CLCN7: variants seen among roughly 807,000 people sequenced by gnomAD.
CLCN7 encodes H(+)/Cl(-) exchange transporter 7.
A neutral mutation model predicts 102.1 loss-of-function variants in CLCN7; 60 were observed. The observed-to-expected ratio is 0.59, with a 90% CI of 0.48 to 0.73. CLCN7 has a LOEUF of 0.73. CLCN7 is among the 30% of genes least tolerant of loss of function. The pLI is 0.00. For synonymous variants in CLCN7, 560 were observed against 490.5 expected (o/e 1.14, Z -1.87); for missense variants, 962 against 1,125.7 (o/e 0.85, Z 2.08).
At chr16:1,451,746 G>C in intron 15 of CLCN7, 30 bp from the exon 16 acceptor site, 4 of 1,573,210 alleles carry the variant, frequency 2.5e-6, no homozygotes, top group Non-Finnish European at 3.5e-6. Flanking sequence ...CACACGTTGG[G>C]AGGGGAGATG....
At chr16:1,455,862 T>TC in intron 10 of CLCN7, 67 bp from the exon 11 acceptor site, 1 of 1,539,530 alleles carries the variant, frequency 6.5e-7, no homozygotes, top group Non-Finnish European at 8.9e-7. Context: ...ACCAACTCCC[T>TC]CCCCCAGGCT....
At chr16:1,459,022 G>T in intron 7 of CLCN7, 85 bp downstream of exon 7, 2 of 1,204,644 alleles carry the variant, frequency 1.7e-6, no homozygotes, top group Non-Finnish European at 2.4e-6. Context: ...GGCCAGTTCT[G>T]GAAGGCAGGC....
intron 23 of CLCN7, 134 bp from the exon 24 acceptor site, chr16:1,447,220 C>T (rs1450201281): frequency 8.7e-6 from 10 of 1,145,972 alleles, no homozygotes; most frequent in East Asian, 5.1e-5. Flanking sequence ...TCTGGCCAGC[C>T]CCCTCAGCCC....
intron 1 of CLCN7, among the ~76,000 whole-genome samples, chr16:1,473,370 CTTTTTTTTTTTT>C (rs779736867): frequency 2.6e-5 from 2 of 76,682 alleles, no homozygotes; most frequent in Admixed American, 1.8e-4. Context: ...CCTTCCTAAA[CTTTTTTTTTTTT>C]TTTTTTTTTT....
Position 1,461,609 on chromosome 16 carries a change from C to T in CLCN7, c.279G>A (p.Lys93=). The T allele has an allele frequency of 6.2e-7, 1 of 1,613,982 alleles. No individual in the cohort carries two copies. Among genetic ancestry groups the T allele is most frequent in the South Asian group, 1.1e-5 (1 of 91,062 alleles). ...IPHNEKLLSL[K]YESLDYDNSE... ...GGGACAGAAGGACGCCCACCTCATA[C>T]TTGAGGGACAGGAGCTTCTCGTTGT... The change falls in exon 3 of 25, where the codon AAG becomes AAA. Residue 93 remains lysine, a synonymous_variant. Transcript: ENST00000382745.
chr16:1,447,573 G>T lies in CLCN7; in HGVS notation c.2074-5C>A, dbSNP rs556391293. The T allele has an allele frequency of 6.4e-7, 1 of 1,553,984 alleles. No homozygotes were observed. The highest frequency in any genetic ancestry group is 2.4e-5 in the East Asian group (1 of 41,188). ...GTTGGACCGCTCCACAAACACCTGC[G>T]GGCGGCAGAGCCCTGTGTCAGGCAC... On this transcript the variant is annotated splice_polypyrimidine_tract_variant and splice_region_variant and intron_variant, in intron 22 of 24. Coordinates refer to ENST00000382745, the MANE Select transcript of CLCN7 (RefSeq NM_001287.6).
At chr16:1,462,372 T>C (rs1232189484) in intron 2 of CLCN7, among the ~76,000 whole-genome samples, 1 of 33,546 alleles carries the variant, frequency 3.0e-5, no homozygotes, top group Non-Finnish European at 7.2e-5. Context: ...TGTCTTTTTT[T>C]TTTTTTTTTT....
In CLCN7 at chr16:1,452,786, A is replaced by G; in HGVS notation, c.1322T>C (p.Leu441Pro). Residue 441 changes from leucine (L) to proline (P), a missense_variant, in exon 15 of 25, where the codon CTG becomes CCG. Leu to Pro is a moderately conservative substitution (Grantham distance 98, BLOSUM62 -3). Around this residue, in one of 2 missense-constraint regions of CLCN7, gnomAD observed 799 missense variants for 988.0 expected, o/e 0.81. Coordinates refer to ENST00000382745, the MANE Select transcript of CLCN7 (RefSeq NM_001287.6). ...CGGGTAGGACATGGAGCCCCCCTGC[A>G]GGGGCTGGCAATCCCGCGACGAGTA... ...LIYSSRDCQPLQGGSMSYPLQ... is the reference protein window; with the variant it reads ...LIYSSRDCQPPQGGSMSYPLQ... The G allele has an allele frequency of 6.2e-7, 1 of 1,605,650 alleles. No homozygotes were observed. The highest frequency in any genetic ancestry group is 8.5e-7 in the Non-Finnish European group (1 of 1,176,704).
chr16:1,460,274 G>C, intron 6 of CLCN7, 144 bp downstream of exon 6: 1 of 692,882 alleles, frequency 1.4e-6, no homozygotes, highest in Non-Finnish European at 2.6e-6. Context: ...GAGGTTGTGA[G>C]TCTGGACCAC....
chr16:1,456,408 G>C (rs551446732), intron 9 of CLCN7, among the ~76,000 whole-genome samples: 10 of 152,300 alleles, frequency 6.6e-5, no homozygotes, highest in African/African-American at 2.4e-4. Flanking sequence ...GCAGCCCAGG[G>C]AAACACGCAA....
intron 14 of CLCN7, among the ~76,000 whole-genome samples, chr16:1,453,387 G>A (rs971668262): frequency 4.6e-5 from 7 of 152,102 alleles, no homozygotes; most frequent in East Asian, 1.9e-4. Flanking sequence ...AAGACTCCTC[G>A]GCAGCAACTT....
chr16:1,474,943 G>C lies in CLCN7; in HGVS notation c.32C>G (p.Ser11Cys). The change falls in exon 1 of 25, where the codon TCC (serine) becomes TGC (cysteine). Residue 11 changes from serine (S) to cysteine (C), a missense_variant. Ser to Cys is a moderately radical substitution (Grantham distance 112, BLOSUM62 -1). This residue lies in a region of CLCN7 where 163 missense variants were observed against 137.7 expected (regional missense o/e 1.18). Coordinates refer to ENST00000382745, the MANE Select transcript of CLCN7 (RefSeq NM_001287.6). MANVSKKVSW[S>C]GRDRDDEEAA... ...CTCCTCGTCGTCCCGGTCCCGGCCGGACCAGGACACCTTCTTAGAGACGTT... is the reference window on the plus strand; with the variant it reads ...CTCCTCGTCGTCCCGGTCCCGGCCGCACCAGGACACCTTCTTAGAGACGTT... 1 of 1,490,028 alleles carries C rather than the reference G, an allele frequency of 6.7e-7. No homozygotes were observed. The highest frequency in any genetic ancestry group is 8.9e-7 in the Non-Finnish European group (1 of 1,125,346). 92.3% of individuals were successfully genotyped at this position (1,490,028 alleles called of 1,614,324 possible).
intron 23 of CLCN7, 147 bp from the exon 24 acceptor site, chr16:1,447,233 T>C: frequency 8.8e-7 from 1 of 1,141,422 alleles, no homozygotes; most frequent in Non-Finnish European, 1.3e-6. Context: ...CTCAGCCCCT[T>C]GACTTCAGCT....
chr16:1,470,536 C>A (rs942732992), intron 1 of CLCN7, among the ~76,000 whole-genome samples: 3 of 152,196 alleles, frequency 2.0e-5, no homozygotes, highest in Non-Finnish European at 4.4e-5. Context: ...CAAGGAGAGG[C>A]CTTTGCTGTC....
At chr16:1,454,365 A>G in intron 13 of CLCN7, 46 bp downstream of exon 13, 2 of 1,590,316 alleles carry the variant, frequency 1.3e-6, no homozygotes, top group Non-Finnish European at 1.7e-6. Flanking sequence ...GTCACAGCTG[A>G]GCCAGGCCCG....
chr16:1,458,608 G>A (rs143292590), intron 7 of CLCN7, among the ~76,000 whole-genome samples: 33 of 152,356 alleles, frequency 2.2e-4, no homozygotes, highest in African/African-American at 4.8e-4. Flanking sequence ...ATCCTCAGAC[G>A]GGACGGGGCT....
chr16:1,446,055 G>A lies in CLCN7; in HGVS notation c.*576C>T. ...GGGAGTGCACGTGGGGCTCCTCTGTGGCGCCAGTGTGAAGCTGCTCTCCGG... is the reference window on the plus strand; with the variant it reads ...GGGAGTGCACGTGGGGCTCCTCTGTAGCGCCAGTGTGAAGCTGCTCTCCGG... On this transcript the variant is annotated 3_prime_UTR_variant, in exon 25 of 25. Coordinates refer to ENST00000382745, the MANE Select transcript of CLCN7 (RefSeq NM_001287.6). 1.7e-6 allele frequency: 1 copy of A among 579,252 alleles called. No individual in the cohort carries two copies. The highest frequency in any genetic ancestry group is 2.9e-5 in the East Asian group (1 of 34,840). 35.9% of individuals were successfully genotyped at this position (579,252 alleles called of 1,614,324 possible).
intron 11 of CLCN7, 121 bp downstream of exon 11, chr16:1,455,610 G>A (rs1266742129): frequency 5.6e-6 from 6 of 1,078,770 alleles, no homozygotes; most frequent in Non-Finnish European, 8.4e-6. Context: ...AGGCCTGACA[G>A]ACCCACAGGG....
rs200911174 is a variant in CLCN7 at position 1,452,941 on chromosome 16, C to G, written c.1215-48G>C. On this transcript the variant is annotated intron_variant, in intron 14 of 24. Coordinates refer to ENST00000382745, the MANE Select transcript of CLCN7 (RefSeq NM_001287.6). ...ATGGCAGGCAGGACGGCAGCGCGGCCCCTCCGCAGGCCCCATGGCAACTCG... is the reference window on the plus strand; with the variant it reads ...ATGGCAGGCAGGACGGCAGCGCGGCGCCTCCGCAGGCCCCATGGCAACTCG... The G allele has an allele frequency of 1.7e-5, 27 of 1,551,424 alleles. No individual in the cohort carries two copies. The East Asian group carries it at 5.9e-4, about 34-fold the overall frequency.
Sources: allele counts gnomAD v4.1 joint callset (sites outside exome capture counted in the v4.1 genomes callset), GRCh38; gene constraint gnomAD v4.1.1; regional missense constraint gnomAD v4.1.1; transcripts MANE v1.5; gene names NCBI Gene and HGNC (gene_info 2026-07-23, HGNC 2026-07-21).